Variants in ZNF423 observed in about 807,000 individuals in gnomAD.
The protein encoded by ZNF423 is Ebf-associated zinc finger protein.
Under a neutral mutation model 95.8 loss-of-function variants are expected in ZNF423, and 12 were observed. The ratio of observed to expected loss-of-function variants is 0.13; its 90% CI spans 0.08 to 0.20. ZNF423 has a LOEUF of 0.20. Among genes scored for constraint, ZNF423 ranks in the 10% least tolerant of loss-of-function variants. The pLI is 1.00. For synonymous variants in ZNF423, 749 were observed against 711.9 expected, an observed-to-expected ratio of 1.05 and a Z score of -0.83; for missense variants, 1,316 against 1,737.1, an observed-to-expected ratio of 0.76 and a Z score of 4.31.
chr16:49,700,267 C>T (rs2032134152), intron 3 of ZNF423, among the ~76,000 whole-genome samples: 1 of 151,496 alleles, frequency 6.6e-6, no homozygotes, highest in Non-Finnish European at 1.5e-5. Flanking sequence ...GAATGCACTC[C>T]AACCCCAAGC....
intron 1 of ZNF423, among the ~76,000 whole-genome samples, chr16:49,801,904 G>A (rs151069436): frequency 1.8e-4 from 27 of 152,206 alleles, no homozygotes; most frequent in African/African-American, 6.0e-4. Flanking sequence ...GCTGGAGTGC[G>A]GTGGTGTGAT....
intron 7 of ZNF423, among the ~76,000 whole-genome samples, chr16:49,499,089 C>G (rs1307404317): frequency 1.3e-5 from 2 of 152,210 alleles, no homozygotes; most frequent in African/African-American, 2.4e-5. Flanking sequence ...CCCCACCCAG[C>G]AAGCCGAGGT....
intron 1 of ZNF423, among the ~76,000 whole-genome samples, chr16:49,835,806 C>T (rs2035112816): frequency 6.6e-6 from 1 of 152,188 alleles, no homozygotes; most frequent in Non-Finnish European, 1.5e-5. Context: ...GGAAGAGGAG[C>T]TGCTGCTCCC....
intron 5 of ZNF423, among the ~76,000 whole-genome samples, chr16:49,565,208 G>A (rs1970151577): frequency 6.6e-6 from 1 of 152,148 alleles, no homozygotes; most frequent in Non-Finnish European, 1.5e-5. Context: ...CCTTTTCAGT[G>A]CAAACCCACA....
At chr16:49,810,091 A>G (rs2034728323) in intron 1 of ZNF423, among the ~76,000 whole-genome samples, 1 of 152,078 alleles carries the variant, frequency 6.6e-6, no homozygotes, top group Non-Finnish European at 1.5e-5. Context: ...CACCCTTGGG[A>G]AGACAAACAC....
chr16:49,546,919 G>A (rs1201904390), intron 5 of ZNF423, among the ~76,000 whole-genome samples: 1 of 151,354 alleles, frequency 6.6e-6, no homozygotes, highest in Non-Finnish European at 1.5e-5. Flanking sequence ...TGGAAGCTGT[G>A]TGATCTTAGG....
chr16:49,670,275 C>T (rs768664161), intron 3 of ZNF423, among the ~76,000 whole-genome samples: 7 of 152,232 alleles, frequency 4.6e-5, no homozygotes, highest in Non-Finnish European at 8.8e-5. Flanking sequence ...TTGAGTTCTC[C>T]CAGCCGCCAA....
At chr16:49,691,546 C>G (rs938906228) in intron 3 of ZNF423, among the ~76,000 whole-genome samples, 1 of 152,116 alleles carries the variant, frequency 6.6e-6, no homozygotes, top group Non-Finnish European at 1.5e-5. Flanking sequence ...TCCTGGGTAA[C>G]ATGGTGAAAC....
At chr16:49,601,638 C>G (rs1335652031) in intron 5 of ZNF423, among the ~76,000 whole-genome samples, 1 of 152,184 alleles carries the variant, frequency 6.6e-6, no homozygotes, top group Non-Finnish European at 1.5e-5. Context: ...AAAGGCAGCC[C>G]TCTCTGTAAA....
In ZNF423 at chr16:49,637,428, C is replaced by T. The variant is rs1406531890; in HGVS notation, c.1748G>A (p.Gly583Asp). Residue 583 changes from glycine to aspartate, a missense_variant, in exon 4 of 8, where the codon GGC becomes GAC. By Grantham distance (94) the Gly-to-Asp change is moderately conservative. Around this residue, in one of 6 missense-constraint regions of ZNF423, gnomAD observed 9 missense variants for 31.8 expected, o/e 0.28. Transcript: ENST00000563137. This position sits in a 1 kb window ranked among gnomAD's most constrained non-coding sequence, Gnocchi z 5.6. ...GTGCTTGGTGAGTTTCAGGATGGAG[C>T]CAAAGATGGGGGAGTTGGTGCAGTA... ...CPYCTNSPIF[G>D]SILKLTKHIK... is the part of the protein sequence containing the mutation. 6.2e-7 allele frequency: 1 copy of T among 1,614,012 alleles called. No homozygotes were observed. Among genetic ancestry groups the T allele is most frequent in the African/African-American group, 1.3e-5 (1 of 74,962 alleles).
At chr16:49,775,466 A>T (rs963385355) in intron 2 of ZNF423, among the ~76,000 whole-genome samples, 4 of 152,190 alleles carry the variant, frequency 2.6e-5, no homozygotes, top group Non-Finnish European at 4.4e-5. Flanking sequence ...GCCTTTCATT[A>T]GTAATCATCA....
intron 1 of ZNF423, among the ~76,000 whole-genome samples, chr16:49,829,844 T>A (rs1490883784): frequency 6.6e-6 from 1 of 151,992 alleles, no homozygotes; most frequent in Non-Finnish European, 1.5e-5. Context: ...GAGACAGGAA[T>A]TCAGGTAAGA....
At chr16:49,749,412 G>T (rs1007471687) in intron 2 of ZNF423, among the ~76,000 whole-genome samples, 12 of 152,184 alleles carry the variant, frequency 7.9e-5, no homozygotes, top group South Asian at 2.1e-4. Flanking sequence ...AGAAAAAAAC[G>T]ATGCTTTACT....
At chr16:49,851,955 T>C (rs1375633212) in intron 1 of ZNF423, among the ~76,000 whole-genome samples, 2 of 152,184 alleles carry the variant, frequency 1.3e-5, no homozygotes, top group Non-Finnish European at 2.9e-5. Flanking sequence ...CTAAAGACCC[T>C]ATAAAGGATT....
intron 5 of ZNF423, among the ~76,000 whole-genome samples, chr16:49,552,316 A>C (rs1969669621): frequency 1.3e-5 from 2 of 152,132 alleles, no homozygotes; most frequent in Non-Finnish European, 2.9e-5. Flanking sequence ...AAAACTGTGC[A>C]ATGAGGAGGG....
At chr16:49,538,228 T>A (rs1230042124) in intron 5 of ZNF423, among the ~76,000 whole-genome samples, 1 of 152,074 alleles carries the variant, frequency 6.6e-6, no homozygotes, top group Non-Finnish European at 1.5e-5. Context: ...AGCCTCCAAC[T>A]CTCCAGCGAG....
chr16:49,776,192 T>G (rs891856188), intron 2 of ZNF423, among the ~76,000 whole-genome samples: 3 of 152,194 alleles, frequency 2.0e-5, no homozygotes, highest in Non-Finnish European at 4.4e-5. Context: ...CTGGGAGGCC[T>G]GGCCAGACCT....
chr16:49,762,355 C>A (rs2033847252), intron 2 of ZNF423, among the ~76,000 whole-genome samples: 1 of 152,194 alleles, frequency 6.6e-6, no homozygotes, highest in Admixed American at 6.5e-5. Context: ...CATGTCTTCC[C>A]TCCATCTCTG....
chr16:49,535,278 T>C (rs548148942), intron 5 of ZNF423, among the ~76,000 whole-genome samples: 1 of 152,302 alleles, frequency 6.6e-6, no homozygotes, highest in South Asian at 2.1e-4. Context: ...CAAGCAGCCC[T>C]GGGTGGTTAA....
Sources: gnomAD v4.1 joint callset for allele counts (sites outside exome capture counted in the v4.1 genomes callset) on GRCh38, gnomAD v4.1.1 for gene constraint, gnomAD v4.1.1 regional missense constraint, Gnocchi (gnomAD v3.1) non-coding constraint, MANE v1.5 for transcripts, NCBI Gene and HGNC (gene_info 2026-07-23, HGNC 2026-07-21) for gene names.